The following FAM53C variants were observed in gnomAD, a reference collection of about 807,000 sequenced individuals.
FAM53C encodes protein FAM53C.
A neutral mutation model predicts 34.7 loss-of-function variants in FAM53C; 10 were observed. The observed-to-expected ratio is 0.29, with a 90% CI of 0.18 to 0.49. FAM53C has a LOEUF of 0.49. Among genes scored for constraint, FAM53C ranks in the 20% least tolerant of loss-of-function variants. The pLI is 0.99. For synonymous variants in FAM53C, 203 were observed against 203.6 expected (o/e 1.00, Z 0.03); for missense variants, 442 against 515.3 (o/e 0.86, Z 1.38).
At chr5:138,344,791 C>G in intron 3 of FAM53C, 34 bp from the exon 4 acceptor site, 1 of 1,482,452 alleles carries the variant, frequency 6.7e-7, no homozygotes, top group South Asian at 1.5e-5. Flanking sequence ...TGTAAGCTAT[C>G]ATTAATATTA....
At chr5:138,341,157 C>G in intron 1 of FAM53C, 27 bp from the exon 2 acceptor site, 2 of 723,390 alleles carry the variant, frequency 2.8e-6, no homozygotes, top group Non-Finnish European at 5.2e-6. Context: ...TCTAATATCA[C>G]TTGGGGCTGG....
At chr5:138,343,695 C>T (rs979667228) in intron 3 of FAM53C, 32 of 152,180 alleles carry the variant, frequency 2.1e-4, no homozygotes, top group African/African-American at 7.7e-4. Flanking sequence ...AACTCCCTAA[C>T]TCGTGCTGCT....
At position 138,349,563 on chromosome 5, in the gene FAM53C, G is replaced by T. The variant is rs952529410; in HGVS notation, c.*2604G>T. ...ACTCCCACCTGCTGCCAAAGTCCCT[G>T]TGCTAATGGGATTACAAATACAAAA... On this transcript the variant is annotated 3_prime_UTR_variant, in exon 5 of 5. Coordinates refer to ENST00000239906, the MANE Select transcript of FAM53C (RefSeq NM_016605.3). 6.6e-6 allele frequency: 1 copy of T among 152,626 alleles called. No individual in the cohort carries two copies. The highest frequency in any genetic ancestry group is 1.5e-5 in the Non-Finnish European group (1 of 68,042). 9.5% of individuals were successfully genotyped at this position (152,626 alleles called of 1,614,324 possible). A position where few individuals can be genotyped will look rare whatever the true frequency, so the allele number is the denominator to read the frequency against.
rs970673688 is a variant in FAM53C at position 138,345,131 on chromosome 5, G to A, written c.443G>A (p.Arg148Gln). The change falls in exon 4 of 5, where the codon CGG (arginine) becomes CAG (glutamine). Residue 148 changes from arginine (R) to glutamine (Q), a missense_variant. Transcript: ENST00000239906. This position sits in a 1 kb window ranked among gnomAD's most constrained non-coding sequence, Gnocchi z 6.3. Reference sequence around the variant, plus strand: ...AAGCTGTGGACTCCCATAAAGCACCGGGGCAGTGGTGGAGGGGGTGGGCCG... The same window carrying A: ...AAGCTGTGGACTCCCATAAAGCACCAGGGCAGTGGTGGAGGGGGTGGGCCG... ...PSKLWTPIKHRGSGGGGGPQV... is the reference protein window; with the variant it reads ...PSKLWTPIKHQGSGGGGGPQV... The A allele has an allele frequency of 1.2e-6, 2 of 1,613,950 alleles. No individual in the cohort carries two copies. Among genetic ancestry groups the A allele is most frequent in the Admixed American group, 1.7e-5 (1 of 59,998 alleles).
chr5:138,342,727 CAAAA>C, intron 3 of FAM53C: 2 of 120,198 alleles, frequency 1.7e-5, no homozygotes, highest in Non-Finnish European at 3.5e-5. Flanking sequence ...AACTCTGTCT[CAAAA>C]AAAAAAAAAA....
chr5:138,340,698 G>GACAT (rs1455764795), intron 1 of FAM53C, among the ~76,000 whole-genome samples: 14 of 152,218 alleles, frequency 9.2e-5, no homozygotes, highest in African/African-American at 1.7e-4. Context: ...TAGGCTGTGG[G>GACAT]AGGACATAAA....
At position 138,346,982 on chromosome 5, in the gene FAM53C, GC is replaced by G. The variant is rs781356118; in HGVS notation, c.*25del. 4.8e-4 allele frequency: 776 copies of G among 1,613,314 alleles called. No homozygotes were observed. Among genetic ancestry groups the G allele is most frequent in the Non-Finnish European group, 6.2e-4 (737 of 1,179,848 alleles). On this transcript the variant is annotated 3_prime_UTR_variant, in exon 5 of 5. Coordinates refer to ENST00000239906, the MANE Select transcript of FAM53C (RefSeq NM_016605.3). The stretch of plus-strand genomic sequence containing the variant: ...TAAAACTGAGAGGCTACTTCCTGGG[GC>G]CACACAGACTGACTCTCTCATGGCT...
Position 138,347,079 on chromosome 5 carries a change from CAG to C in FAM53C, c.*121_*122del. On this transcript the variant is annotated 3_prime_UTR_variant, in exon 5 of 5. Coordinates refer to ENST00000239906, the MANE Select transcript of FAM53C (RefSeq NM_016605.3). ...TGGGGGTGAGTGGAGGGCTCCGACT[CAG>C]GGCAGCTGGAAATCTTCTCGCTCCA... 1 of 1,365,182 alleles carries C rather than the reference CAG, an allele frequency of 7.3e-7. No homozygotes were observed. The highest frequency in any genetic ancestry group is 1.0e-6 in the Non-Finnish European group (1 of 995,142). 84.6% of individuals were successfully genotyped at this position (1,365,182 alleles called of 1,614,324 possible).
Position 138,347,345 on chromosome 5 carries a change from C to T in FAM53C, c.*386C>T. ...ATTTGGCCAGGGTGGGGGGTTGAGTCAGCCTCCTCAGAGAAACTGCGTGAG... is the reference window on the plus strand; with the variant it reads ...ATTTGGCCAGGGTGGGGGGTTGAGTTAGCCTCCTCAGAGAAACTGCGTGAG... On this transcript the variant is annotated 3_prime_UTR_variant, in exon 5 of 5. Coordinates refer to ENST00000239906, the MANE Select transcript of FAM53C (RefSeq NM_016605.3). 1 of 285,068 alleles carries T rather than the reference C, an allele frequency of 3.5e-6. No homozygotes were observed. Among genetic ancestry groups the T allele is most frequent in the Non-Finnish European group, 6.8e-6 (1 of 147,946 alleles). The allele number at this position is 285,068 out of a possible 1,614,324, so 17.7% of individuals were successfully genotyped here.
intron 3 of FAM53C, chr5:138,342,998 T>G (rs1296539995): frequency 6.8e-6 from 1 of 146,534 alleles, no homozygotes; most frequent in Non-Finnish European, 1.5e-5. Flanking sequence ...CACTCCAGCC[T>G]GCACAACAAA....
At chr5:138,338,093 T>A, upstream of FAM53C, 4 of 1,289,754 alleles carry the variant, frequency 3.1e-6, no homozygotes, top group Non-Finnish European at 4.0e-6. Context: ...GCCAGGCTCG[T>A]TCCCAACAGC....
Position 138,346,986 on chromosome 5 carries a change from C to G in FAM53C, c.*27C>G, listed in dbSNP as rs761934512. 1 of 1,613,150 alleles carries G rather than the reference C, an allele frequency of 6.2e-7. No individual in the cohort carries two copies. The highest frequency in any genetic ancestry group is 1.7e-5 in the Admixed American group (1 of 59,996). On this transcript the variant is annotated 3_prime_UTR_variant, in exon 5 of 5. Coordinates refer to ENST00000239906, the MANE Select transcript of FAM53C (RefSeq NM_016605.3). ...ACTGAGAGGCTACTTCCTGGGGCCA[C>G]ACAGACTGACTCTCTCATGGCTACT...
At chr5:138,338,252 C>A, upstream of FAM53C, 1 of 1,113,752 alleles carries the variant, frequency 9.0e-7, no homozygotes, top group Non-Finnish European at 1.2e-6. Context: ...CACCGTGGGG[C>A]GAACCGAGCG....
chr5:138,338,161 G>A (rs1271974864), upstream of FAM53C: 3 of 1,289,662 alleles, frequency 2.3e-6, no homozygotes, highest in Non-Finnish European at 3.0e-6. Flanking sequence ...TCCATGGGTG[G>A]CTTGGGGGGA....
At chr5:138,339,220 A>T (rs1462419101) in intron 1 of FAM53C, among the ~76,000 whole-genome samples, 1 of 152,196 alleles carries the variant, frequency 6.6e-6, no homozygotes, top group Non-Finnish European at 1.5e-5. Flanking sequence ...GAAGGCGGCA[A>T]GAGAGGGCTT....
At chr5:138,343,387 GTAATC>G (rs1412363185) in intron 3 of FAM53C, among the ~76,000 whole-genome samples, 1 of 151,900 alleles carries the variant, frequency 6.6e-6, no homozygotes, top group Non-Finnish European at 1.5e-5. Context: ...GCAGGCGCCT[GTAATC>G]CCAGCTACTC....
Position 138,341,875 on chromosome 5 carries a change from T to C in FAM53C, c.136+9T>C. The C allele has an allele frequency of 6.2e-7, 1 of 1,614,014 alleles. No individual in the cohort carries two copies. Among genetic ancestry groups the C allele is most frequent in the Non-Finnish European group, 8.5e-7 (1 of 1,179,836 alleles). On this transcript the variant is annotated intron_variant, in intron 3 of 4. Transcript: ENST00000239906. Reference sequence around the variant, plus strand: ...TTTCCAGCTTGTGTCTGGTAAGGCATCGTGTGTGTTTGTGTACGTGTGTGT... The same window carrying C: ...TTTCCAGCTTGTGTCTGGTAAGGCACCGTGTGTGTTTGTGTACGTGTGTGT...
At position 138,346,774 on chromosome 5, in the gene FAM53C, A is replaced by G. The variant is rs759996540; in HGVS notation, c.994A>G (p.Met332Val). 3 of 1,614,066 alleles carry G rather than the reference A, an allele frequency of 1.9e-6. No individual in the cohort carries two copies. Among genetic ancestry groups the G allele is most frequent in the Admixed American group, 3.3e-5 (2 of 59,998 alleles). The part of the protein sequence containing the change: ...EGSSISPPWF[M>V]ACSPPPLSAS... ...CAGCAGCATCTCTCCACCATGGTTC[A>G]TGGCCTGTAGCCCCCCACCCCTCTC... is the stretch of plus-strand genomic sequence containing the variant. Residue 332 changes from methionine (M) to valine (V), a missense_variant, in exon 5 of 5, where the codon ATG becomes GTG. Physicochemically the swap from Met to Val is conservative, Grantham distance 21 (BLOSUM62 1). Transcript: ENST00000239906.
intron 1 of FAM53C, 186 bp downstream of exon 1, chr5:138,338,493 C>T (rs1318541627): frequency 3.4e-6 from 1 of 292,924 alleles, no homozygotes; most frequent in African/African-American, 2.4e-5. Flanking sequence ...CCCAGACCCT[C>T]CCCATCCCCT....
Sources: allele counts gnomAD v4.1 joint callset (sites outside exome capture counted in the v4.1 genomes callset), GRCh38; gene constraint gnomAD v4.1.1; non-coding constraint Gnocchi (gnomAD v3.1); transcripts MANE v1.5; gene names NCBI Gene and HGNC (gene_info 2026-07-23, HGNC 2026-07-21).